The following SHROOM3 variants were observed in gnomAD, a reference collection of about 807,000 sequenced individuals.
SHROOM3 encodes protein Shroom3.
Under a neutral mutation model 138.6 loss-of-function variants are expected in SHROOM3, and 47 were observed. That is an observed-to-expected ratio of 0.34 (90% CI 0.27 to 0.43). The LOEUF (loss-of-function observed/expected upper bound fraction) is 0.43, where lower values mean the gene tolerates loss of function less well. SHROOM3 is among the 20% of genes least tolerant of loss of function. SHROOM3 has a pLI of 1.00. For missense variants in SHROOM3, 2,491 were observed against 2,596.5 expected (o/e 0.96, Z 0.88); for synonymous variants, 1,062 against 1,063.3 (o/e 1.00, Z 0.02).
intron 6 of SHROOM3, among the ~76,000 whole-genome samples, chr4:76,753,470 G>C (rs576600901): frequency 6.6e-6 from 1 of 152,314 alleles, no homozygotes; most frequent in Admixed American, 6.5e-5. Context: ...CACATAGCCA[G>C]TCAGGGAACT....
chr4:76,477,599 A>G (rs939732671), intron 1 of SHROOM3, among the ~76,000 whole-genome samples: 1 of 152,218 alleles, frequency 6.6e-6, no homozygotes, highest in Non-Finnish European at 1.5e-5. Context: ...TATAGAAAAT[A>G]TATACATTTA....
At chr4:76,609,260 TC>T (rs1183690723) in intron 2 of SHROOM3, among the ~76,000 whole-genome samples, 36 of 152,290 alleles carry the variant, frequency 2.4e-4, no homozygotes, top group Admixed American at 7.2e-4. Context: ...TACATCATAG[TC>T]CATATAGACA....
chr4:76,474,398 T>C (rs1731440066), intron 1 of SHROOM3, among the ~76,000 whole-genome samples: 1 of 152,206 alleles, frequency 6.6e-6, no homozygotes, highest in South Asian at 2.1e-4. Flanking sequence ...TAAAAACCAC[T>C]GACTTGTGTA....
intron 4 of SHROOM3, among the ~76,000 whole-genome samples, chr4:76,731,961 C>A (rs1720900037): frequency 6.6e-6 from 1 of 152,060 alleles, no homozygotes; most frequent in African/African-American, 2.4e-5. Flanking sequence ...TTGTATGGGT[C>A]AAGGTTTGGT....
chr4:76,556,476 A>G (rs112457238), intron 2 of SHROOM3, among the ~76,000 whole-genome samples: 2,292 of 152,310 alleles, frequency 0.015, 47 homozygotes, highest in African/African-American at 0.05. Flanking sequence ...CAGGCAAGAG[A>G]TTAAATAGGT....
chr4:76,602,663 T>C (rs1734530699), intron 2 of SHROOM3, among the ~76,000 whole-genome samples: 1 of 152,180 alleles, frequency 6.6e-6, no homozygotes, highest in African/African-American at 2.4e-5. Flanking sequence ...GGAAAACAAA[T>C]TACTTTTCAT....
At chr4:76,674,006 AG>A (rs1718957092) in intron 2 of SHROOM3, among the ~76,000 whole-genome samples, 1 of 152,008 alleles carries the variant, frequency 6.6e-6, no homozygotes, top group Admixed American at 6.5e-5. Flanking sequence ...CCAAGTAGCT[AG>A]GATTACAGGT....
chr4:76,492,335 G>T (rs920771523), intron 1 of SHROOM3, among the ~76,000 whole-genome samples: 2 of 152,220 alleles, frequency 1.3e-5, no homozygotes, highest in East Asian at 3.8e-4. Flanking sequence ...ATCAGAGCAA[G>T]TATGCTGTTC....
chr4:76,447,704 G>A (rs1311586159), intron 1 of SHROOM3, among the ~76,000 whole-genome samples: 1 of 152,194 alleles, frequency 6.6e-6, no homozygotes, highest in African/African-American at 2.4e-5. Context: ...GGCAGCCATT[G>A]ATCTAAGTGT....
intron 5 of SHROOM3, among the ~76,000 whole-genome samples, chr4:76,748,113 C>T (rs1285067765): frequency 6.6e-6 from 1 of 152,066 alleles, no homozygotes; most frequent in Non-Finnish European, 1.5e-5. Flanking sequence ...TAATAATGTT[C>T]AGGGGTTTGT....
chr4:76,669,124 T>C (rs1461109219), intron 2 of SHROOM3, among the ~76,000 whole-genome samples: 1 of 152,214 alleles, frequency 6.6e-6, no homozygotes, highest in African/African-American at 2.4e-5. Context: ...ATCTTTCTAT[T>C]CTAGTAAGTT....
rs1038869704 is a variant in SHROOM3, at chr4:76,781,230, C to G, written c.*2053C>G. Reference sequence around the variant, plus strand: ...GCAGTCTGAACCTCTGAGGCTCAAGCCATCCTCCCATCTCAGCCTCCCAAG... The same window carrying G: ...GCAGTCTGAACCTCTGAGGCTCAAGGCATCCTCCCATCTCAGCCTCCCAAG... On this transcript the variant is annotated 3_prime_UTR_variant, in exon 11 of 11. Coordinates refer to ENST00000296043, the MANE Select transcript of SHROOM3 (RefSeq NM_020859.4). 2 of 152,090 alleles carry G rather than the reference C, an allele frequency of 1.3e-5. No individual in the cohort carries two copies. The highest frequency in any genetic ancestry group is 4.8e-5 in the African/African-American group (2 of 41,358). The allele number at this position is 152,090 out of a possible 1,614,324, so 9.4% of individuals were successfully genotyped here. A position where few individuals can be genotyped will look rare whatever the true frequency, so the allele number is the denominator to read the frequency against.
At chr4:76,672,585 G>GT (rs1718917340) in intron 2 of SHROOM3, among the ~76,000 whole-genome samples, 1 of 145,302 alleles carries the variant, frequency 6.9e-6, no homozygotes, top group Non-Finnish European at 1.5e-5. Flanking sequence ...CATTTTTTTT[G>GT]TTTTTTAGAC....
intron 2 of SHROOM3, among the ~76,000 whole-genome samples, chr4:76,639,083 G>T (rs2110079363): frequency 6.6e-6 from 1 of 152,218 alleles, no homozygotes. Context: ...ACATGGTAAG[G>T]CAGTCCCCTT....
At chr4:76,721,344 AC>A (rs1430750924) in intron 3 of SHROOM3, among the ~76,000 whole-genome samples, 1 of 152,246 alleles carries the variant, frequency 6.6e-6, no homozygotes, top group Non-Finnish European at 1.5e-5. Context: ...AGACATTTCA[AC>A]ATACATAGAA....
chr4:76,724,929 T>C (rs1720655750), intron 3 of SHROOM3, among the ~76,000 whole-genome samples: 1 of 152,202 alleles, frequency 6.6e-6, no homozygotes, highest in African/African-American at 2.4e-5. Context: ...TGTACTGATA[T>C]ACACTGGTGG....
chr4:76,706,915 A>T (rs1039444372), intron 2 of SHROOM3, among the ~76,000 whole-genome samples: 6 of 152,220 alleles, frequency 3.9e-5, no homozygotes, highest in African/African-American at 1.4e-4. Flanking sequence ...CTGGGTAGCC[A>T]GCAGAGGAAA....
chr4:76,692,514 T>G (rs1389624313), intron 2 of SHROOM3, among the ~76,000 whole-genome samples: 1 of 152,226 alleles, frequency 6.6e-6, no homozygotes, highest in Non-Finnish European at 1.5e-5. Flanking sequence ...CACGCCTAGG[T>G]ATTTACCCAA....
chr4:76,555,802 C>T (rs1181883356), intron 2 of SHROOM3, 39 bp downstream of exon 2: 2 of 1,600,174 alleles, frequency 1.2e-6, no homozygotes, highest in East Asian at 2.2e-5. Context: ...CCTACCACCT[C>T]ACCCCACCTC....
Sources: gnomAD v4.1 joint callset for allele counts (sites outside exome capture counted in the v4.1 genomes callset) on GRCh38, gnomAD v4.1.1 for gene constraint, MANE v1.5 for transcripts, NCBI Gene and HGNC (gene_info 2026-07-23, HGNC 2026-07-21) for gene names.